The following IMMP2L variants were observed in gnomAD, a reference collection of about 807,000 sequenced individuals.
IMMP2L encodes inner mitochondrial membrane peptidase subunit 2, also known as mitochondrial inner membrane protease subunit 2.
Under a neutral mutation model 19.3 loss-of-function variants are expected in IMMP2L, and 18 were observed. That is an observed-to-expected ratio of 0.93 (90% CI 0.64 to 1.38). The LOEUF (loss-of-function observed/expected upper bound fraction) is 1.38, where lower values mean the gene tolerates loss of function less well. Ranked by LOEUF, IMMP2L falls within the 40% of genes most tolerant of loss-of-function variation. The pLI is 0.00. For synonymous variants in IMMP2L, 76 were observed against 73.0 expected, an observed-to-expected ratio of 1.04 and a Z score of -0.21; for missense variants, 233 against 218.2, an observed-to-expected ratio of 1.07 and a Z score of -0.43.
intron 4 of IMMP2L, among the ~76,000 whole-genome samples, chr7:110,911,801 C>T (rs1813082351): frequency 6.6e-6 from 1 of 152,086 alleles, no homozygotes; most frequent in South Asian, 2.1e-4. Flanking sequence ...TCTACTTTAA[C>T]CTGTCTAATC....
chr7:111,350,828 A>G (rs1828074271), intron 3 of IMMP2L, among the ~76,000 whole-genome samples: 1 of 152,166 alleles, frequency 6.6e-6, no homozygotes, highest in African/African-American at 2.4e-5. Flanking sequence ...GTTAGAGGCC[A>G]CATTACCCTA....
intron 3 of IMMP2L, among the ~76,000 whole-genome samples, chr7:111,180,934 C>T (rs781124006): frequency 6.6e-6 from 1 of 151,876 alleles, no homozygotes; most frequent in African/African-American, 2.4e-5. Flanking sequence ...ACATACATTA[C>T]AGTGTTTACT....
At chr7:111,260,312 T>C (rs1394714955) in intron 3 of IMMP2L, among the ~76,000 whole-genome samples, 2 of 152,162 alleles carry the variant, frequency 1.3e-5, no homozygotes, top group South Asian at 2.1e-4. Context: ...CACTAGGCAA[T>C]AGGAATATTT....
At chr7:111,028,122 T>C (rs1021185260) in intron 3 of IMMP2L, among the ~76,000 whole-genome samples, 1 of 152,056 alleles carries the variant, frequency 6.6e-6, no homozygotes, top group Non-Finnish European at 1.5e-5. Context: ...AAGAAATAAA[T>C]TTAAACGAAA....
chr7:111,201,544 C>T (rs1007435877), intron 3 of IMMP2L, among the ~76,000 whole-genome samples: 2 of 151,706 alleles, frequency 1.3e-5, no homozygotes, highest in African/African-American at 4.8e-5. Flanking sequence ...GGTGAAAACT[C>T]ATCTCTAAAA....
At chr7:110,840,463 G>T (rs1390038870) in intron 5 of IMMP2L, among the ~76,000 whole-genome samples, 2 of 152,074 alleles carry the variant, frequency 1.3e-5, no homozygotes, top group African/African-American at 4.8e-5. Context: ...ATCTGGAAAA[G>T]GAAATACATG....
chr7:111,161,134 G>T (rs987672837), intron 3 of IMMP2L, among the ~76,000 whole-genome samples: 11 of 151,690 alleles, frequency 7.3e-5, no homozygotes, highest in Non-Finnish European at 1.2e-4. Context: ...ATTTTTAAAT[G>T]CAAGTTTTAT....
intron 3 of IMMP2L, among the ~76,000 whole-genome samples, chr7:111,212,172 A>ATCTC (rs142542772): frequency 6.7e-6 from 1 of 150,024 alleles, no homozygotes; most frequent in African/African-American, 2.4e-5. Flanking sequence ...CTCTATCTCT[A>ATCTC]TCTCTCTCTC....
Position 111,174,982 on chromosome 7 carries a change from C to T in IMMP2L, c.240-211417G>A, listed in dbSNP as rs569961479. Among the ~76,000 whole-genome samples the T allele has an allele frequency of 7.2e-5, 11 of 151,838 alleles. No individual in the cohort carries two copies. In the South Asian group the frequency reaches 1.9e-3, roughly 26 times the overall value. ...ATATGCACTTAATAATTTCTTAGTA[C>T]CATTAAAAACCTTTACATTTTATGA... On this transcript the variant is annotated intron_variant, in intron 3 of 5. Coordinates refer to ENST00000405709, the MANE Select transcript of IMMP2L (RefSeq NM_032549.4).
At chr7:111,375,633 T>C (rs1357966862) in intron 3 of IMMP2L, among the ~76,000 whole-genome samples, 1 of 152,032 alleles carries the variant, frequency 6.6e-6, no homozygotes. Context: ...CAAGCAATTC[T>C]CCTGCCTCAG....
chr7:110,802,674 C>T (rs1218366180), intron 5 of IMMP2L, among the ~76,000 whole-genome samples: 2 of 151,972 alleles, frequency 1.3e-5, no homozygotes, highest in Non-Finnish European at 2.9e-5. Flanking sequence ...ATAATAGGTT[C>T]TTTCAGTCAG....
At chr7:111,497,569 T>G (rs1366444243) in intron 2 of IMMP2L, among the ~76,000 whole-genome samples, 1 of 151,946 alleles carries the variant, frequency 6.6e-6, no homozygotes, top group Non-Finnish European at 1.5e-5. Context: ...AACAAACTGC[T>G]ATGATCCAAT....
At chr7:110,787,336 T>G (rs1800152111) in intron 5 of IMMP2L, among the ~76,000 whole-genome samples, 1 of 151,976 alleles carries the variant, frequency 6.6e-6, no homozygotes, top group Non-Finnish European at 1.5e-5. Flanking sequence ...TCTTGAAGCT[T>G]TTATCTCTTG....
chr7:111,096,517 A>AAAAAAC (rs1050474635), intron 3 of IMMP2L, among the ~76,000 whole-genome samples: 1 of 151,046 alleles, frequency 6.6e-6, no homozygotes, highest in Non-Finnish European at 1.5e-5. Context: ...TTAAAAAAAA[A>AAAAAAC]AAAACAAAAC....
intron 1 of IMMP2L, among the ~76,000 whole-genome samples, chr7:111,550,646 T>C (rs867462433): frequency 1.3e-5 from 2 of 152,172 alleles, no homozygotes; most frequent in Non-Finnish European, 2.9e-5. Flanking sequence ...AGGCAAAATA[T>C]CTGCGGCAAT....
intron 3 of IMMP2L, among the ~76,000 whole-genome samples, chr7:111,454,798 A>C (rs1839540886): frequency 6.6e-6 from 1 of 152,084 alleles, no homozygotes; most frequent in South Asian, 2.1e-4. Flanking sequence ...CAAAGATATA[A>C]ATGAGAAATT....
At chr7:110,865,178 C>CAT (rs1491159073) in intron 5 of IMMP2L, among the ~76,000 whole-genome samples, 10 of 148,736 alleles carry the variant, frequency 6.7e-5, no homozygotes, top group Non-Finnish European at 1.3e-4. Context: ...CATACATTTG[C>CAT]ACACACACAC....
intron 3 of IMMP2L, among the ~76,000 whole-genome samples, chr7:111,408,350 A>C (rs1194780019): frequency 6.6e-6 from 1 of 151,746 alleles, no homozygotes; most frequent in Non-Finnish European, 1.5e-5. Flanking sequence ...ACTGTAGACA[A>C]ATATAAAGAA....
chr7:111,518,805 T>C (rs2529488), intron 2 of IMMP2L, among the ~76,000 whole-genome samples: 33,943 of 151,986 alleles, frequency 0.22, 5,519 homozygotes, highest in African/African-American at 0.46. Flanking sequence ...GAAATATAGA[T>C]CCAATTGTAA....
Sources: allele counts gnomAD v4.1 joint callset (sites outside exome capture counted in the v4.1 genomes callset), GRCh38; gene constraint gnomAD v4.1.1; transcripts MANE v1.5; gene names NCBI Gene and HGNC (gene_info 2026-07-23, HGNC 2026-07-21).